The following ACYP2 variants were observed in gnomAD, a reference collection of about 807,000 sequenced individuals.
ACYP2 encodes the protein acylphosphatase 2, also known as acylphosphatase-2.
In ACYP2, 12 loss-of-function variants were observed where a neutral mutation model predicts 11.2. The ratio of observed to expected loss-of-function variants is 1.08; its 90% CI spans 0.69 to 1.74. ACYP2 has a LOEUF of 1.74. Among genes scored for constraint, ACYP2 ranks in the 40% most tolerant of loss-of-function variants. The probability of loss-of-function intolerance (pLI) is 0.00; values close to 1 mark genes in which losing one functional copy is unlikely to be tolerated. For synonymous variants in ACYP2, 43 were observed against 32.2 expected, an observed-to-expected ratio of 1.33 and a Z score of -1.13; for missense variants, 134 against 101.9, an observed-to-expected ratio of 1.31 and a Z score of -1.35.
intron 6 of ACYP2, among the ~76,000 whole-genome samples, chr2:54,143,761 G>GGGT (rs1558566661): frequency 4.7e-5 from 6 of 126,536 alleles, no homozygotes; most frequent in African/African-American, 1.8e-4. Flanking sequence ...TTTTTTTGGG[G>GGGT]GGGGGGTATT....
chr2:54,140,970 G>T (rs2103788237), intron 6 of ACYP2, among the ~76,000 whole-genome samples: 1 of 152,234 alleles, frequency 6.6e-6, no homozygotes, highest in South Asian at 2.1e-4. Flanking sequence ...TCAGCAATTG[G>T]TATTGTACTC....
At position 54,194,154 on chromosome 2, in the gene ACYP2, C is replaced by G. The variant is rs188701940; in HGVS notation, c.404+55406C>G. 5.3e-3 allele frequency among the ~76,000 whole-genome samples: 805 copies of G among 152,278 alleles called. 6 individuals carry two copies. The highest frequency in any genetic ancestry group is 0.019 in the African/African-American group (771 of 41,566). On this transcript the variant is annotated intron_variant, in intron 6 of 6. Transcript: ENST00000607452. ...CCCAGGTTCAAGTGATTTCTCCTGC[C>G]TCAGCCTCCCAAGTAGCTGGTACCA...
At chr2:54,038,800 T>TAAA (rs372376830) in intron 2 of ACYP2, among the ~76,000 whole-genome samples, 1 of 104,420 alleles carries the variant, frequency 9.6e-6, no homozygotes, top group South Asian at 2.9e-4. Context: ...TCAGAATAGG[T>TAAA]AAAAAAAAAA....
chr2:54,162,806 C>T (rs1682779227), intron 6 of ACYP2, among the ~76,000 whole-genome samples: 1 of 151,924 alleles, frequency 6.6e-6, no homozygotes, highest in African/African-American at 2.4e-5. Context: ...ATCTCAACAA[C>T]AACAAAAACA....
intron 2 of ACYP2, among the ~76,000 whole-genome samples, chr2:54,012,615 G>A (rs539537536): frequency 2.1e-4 from 32 of 152,088 alleles, no homozygotes; most frequent in East Asian, 7.7e-4. Context: ...CACTGAGGCC[G>A]TCAGTCACCA....
chr2:54,289,822 A>G (rs1689224775), intron 6 of ACYP2, among the ~76,000 whole-genome samples: 1 of 151,976 alleles, frequency 6.6e-6, no homozygotes, highest in African/African-American at 2.4e-5. Context: ...ACATGTCCAT[A>G]AAGAAGGGCT....
chr2:54,223,671 G>A (rs954183896), intron 6 of ACYP2, among the ~76,000 whole-genome samples: 12 of 152,204 alleles, frequency 7.9e-5, no homozygotes, highest in South Asian at 4.2e-4. Flanking sequence ...CTTAATTCCT[G>A]TCAGAATTAT....
chr2:53,982,828 C>CTGTGTG (rs3066946), intron 2 of ACYP2, among the ~76,000 whole-genome samples: 4,042 of 140,536 alleles, frequency 0.029, 96 homozygotes, highest in African/African-American at 0.059. Flanking sequence ...TCACACAAGA[C>CTGTGTG]TGTGTGTGTG....
intron 4 of ACYP2, among the ~76,000 whole-genome samples, chr2:54,096,387 G>A (rs1355778441): frequency 2.6e-5 from 4 of 150,980 alleles, no homozygotes; most frequent in African/African-American, 9.8e-5. Context: ...CGTCCCAGAC[G>A]ATGGATGGCC....
intron 2 of ACYP2, among the ~76,000 whole-genome samples, chr2:54,015,188 G>T (rs1231670957): frequency 6.6e-6 from 1 of 151,640 alleles, no homozygotes; most frequent in African/African-American, 2.4e-5. Context: ...GCAACATGGT[G>T]AAAACCTGTC....
At position 54,262,993 on chromosome 2, in the gene ACYP2, G is replaced by A. The variant is rs372295522; in HGVS notation, c.405-41695G>A. Among the ~76,000 whole-genome samples the A allele has an allele frequency of 1.0e-3, 158 of 152,296 alleles. 3 individuals carry two copies. In the South Asian group the frequency reaches 0.03, roughly 29 times the overall value. ...CCAGCACTATGGGGGGCCAAAGTGGGAGAATCACCTGAGGCTGGAGTTTGT... is the reference window on the plus strand; with the variant it reads ...CCAGCACTATGGGGGGCCAAAGTGGAAGAATCACCTGAGGCTGGAGTTTGT... On this transcript the variant is annotated intron_variant, in intron 6 of 6. Coordinates refer to ENST00000607452, the MANE Select transcript of ACYP2 (RefSeq NM_001320586.2).
chr2:54,035,009 C>CAAAAAAAAAAAAAAAAAA (rs550142135), intron 2 of ACYP2, among the ~76,000 whole-genome samples: 555 of 44,738 alleles, frequency 0.012, 81 homozygotes, highest in Non-Finnish European at 0.022. Context: ...GACTACATCT[C>CAAAAAAAAAAAAAAAAAA]AAAAAAAAAA....
chr2:54,009,560 G>A (rs1673253788), intron 2 of ACYP2, among the ~76,000 whole-genome samples: 1 of 152,142 alleles, frequency 6.6e-6, no homozygotes, highest in Non-Finnish European at 1.5e-5. Context: ...GGGGACACGA[G>A]TGAAACTCTG....
At chr2:54,125,677 G>A (rs375920649) in intron 4 of ACYP2, among the ~76,000 whole-genome samples, 1 of 152,168 alleles carries the variant, frequency 6.6e-6, no homozygotes, top group African/African-American at 2.4e-5. Context: ...TTGAACCTGG[G>A]AGGTGGAGGT....
intron 4 of ACYP2, among the ~76,000 whole-genome samples, chr2:54,094,861 A>T (rs1032296193): frequency 6.6e-5 from 10 of 151,578 alleles, no homozygotes; most frequent in African/African-American, 2.4e-4. Context: ...GTATTTTATT[A>T]TTATTTTTTA....
At chr2:54,056,988 C>T (rs899986638) in intron 3 of ACYP2, among the ~76,000 whole-genome samples, 1 of 152,098 alleles carries the variant, frequency 6.6e-6, no homozygotes. Flanking sequence ...CTTGCTCACA[C>T]CAAAACATTA....
At chr2:54,200,328 A>T (rs990350593) in intron 6 of ACYP2, among the ~76,000 whole-genome samples, 4 of 152,150 alleles carry the variant, frequency 2.6e-5, no homozygotes, top group Non-Finnish European at 4.4e-5. Flanking sequence ...CCCTCATCAT[A>T]TACAAGGCTA....
At chr2:54,098,537 C>A (rs975638578) in intron 4 of ACYP2, among the ~76,000 whole-genome samples, 3 of 152,170 alleles carry the variant, frequency 2.0e-5, no homozygotes, top group Non-Finnish European at 4.4e-5. Flanking sequence ...CCCGAGGCAA[C>A]TTCTTTGAAC....
intron 6 of ACYP2, among the ~76,000 whole-genome samples, chr2:54,171,528 C>G (rs1197597619): frequency 1.3e-5 from 2 of 152,146 alleles, no homozygotes; most frequent in African/African-American, 4.8e-5. Flanking sequence ...CACAATGTGG[C>G]GTTGGTTGCT....
Sources: allele counts gnomAD v4.1 joint callset (sites outside exome capture counted in the v4.1 genomes callset), GRCh38; gene constraint gnomAD v4.1.1; transcripts MANE v1.5; gene names NCBI Gene and HGNC (gene_info 2026-07-23, HGNC 2026-07-21).